Variants in CDKAL1 observed in about 807,000 individuals in gnomAD.
CDKAL1 encodes the protein CDKAL1 threonylcarbamoyladenosine tRNA methylthiotransferase, also known as threonylcarbamoyladenosine tRNA methylthiotransferase.
In CDKAL1, 32 loss-of-function variants were observed where a neutral mutation model predicts 68.2. The ratio of observed to expected loss-of-function variants is 0.47; its 90% CI spans 0.35 to 0.63. The LOEUF (loss-of-function observed/expected upper bound fraction) is 0.63. Ranked by LOEUF, CDKAL1 falls within the 30% of genes least tolerant of loss-of-function variation. The pLI, the probability that CDKAL1 is intolerant of heterozygous loss-of-function variation, is 0.00. For missense variants in CDKAL1, 606 were observed against 696.7 expected (o/e 0.87, Z 1.47); for synonymous variants, 234 against 244.3 (o/e 0.96, Z 0.39).
At chr6:20,576,087 AAC>A (rs1482441130) in intron 4 of CDKAL1, among the ~76,000 whole-genome samples, 4 of 152,190 alleles carry the variant, frequency 2.6e-5, no homozygotes, top group African/African-American at 9.7e-5. Context: ...TATTGTATTA[AAC>A]AGTGTTTTGA....
At chr6:21,212,099 G>C (rs1039038107) in intron 15 of CDKAL1, among the ~76,000 whole-genome samples, 1 of 152,114 alleles carries the variant, frequency 6.6e-6, no homozygotes, top group Non-Finnish European at 1.5e-5. Flanking sequence ...ATAGTATAGT[G>C]AAAGTTTCTA....
At chr6:20,867,527 T>C (rs1759973948) in intron 9 of CDKAL1, among the ~76,000 whole-genome samples, 1 of 152,186 alleles carries the variant, frequency 6.6e-6, no homozygotes, top group Admixed American at 6.5e-5. Flanking sequence ...AGCCCAGACA[T>C]CACTAATCTA....
chr6:21,021,748 CCTTT>C lies in CDKAL1; in HGVS notation c.1055+21381_1055+21384del, dbSNP rs1768678655. The stretch of plus-strand genomic sequence containing the variant: ...CAGAGTTTTCGTCACCATTTGTACA[CCTTT>C]CTTTATTTACCTCACCTAAGGTAGC... On this transcript the variant is annotated intron_variant, in intron 11 of 15. Coordinates refer to ENST00000274695, the MANE Select transcript of CDKAL1 (RefSeq NM_017774.3). Among the ~76,000 whole-genome samples, 14 of 152,246 alleles carry C rather than the reference CCTTT, an allele frequency of 9.2e-5. No individual in the cohort carries two copies. In the South Asian group the frequency reaches 2.9e-3, roughly 32 times the overall value.
At chr6:20,547,811 TTAA>T (rs1476235791) in intron 3 of CDKAL1, among the ~76,000 whole-genome samples, 21 of 152,326 alleles carry the variant, frequency 1.4e-4, no homozygotes, top group African/African-American at 4.3e-4. Flanking sequence ...TAGAGTGCTT[TTAA>T]TAATGCTTTA....
intron 9 of CDKAL1, among the ~76,000 whole-genome samples, chr6:20,935,721 T>A (rs1309006759): frequency 6.6e-6 from 1 of 152,208 alleles, no homozygotes; most frequent in Non-Finnish European, 1.5e-5. Flanking sequence ...TGAGCCACCA[T>A]GCCCGGCCAA....
In CDKAL1 at chr6:20,649,297, T is replaced by G. The variant is rs1225849680; in HGVS notation, c.291T>G (p.Asn97Lys). The G allele has an allele frequency of 1.9e-6, 3 of 1,604,490 alleles. No homozygotes were observed. Among genetic ancestry groups the G allele is most frequent in the Non-Finnish European group, 2.6e-6 (3 of 1,175,616 alleles). ...LAAYGYKITENASDADLWLLN... is the reference protein window; with the variant it reads ...LAAYGYKITEKASDADLWLLN... The stretch of plus-strand genomic sequence containing the variant: ...TTGTGTTCATTTTTTTAATAGAAAA[T>G]GCATCCGATGCAGATTTATGGCTCC... The change falls in exon 5 of 16, where the codon AAT becomes AAG. Residue 97 changes from asparagine (N) to lysine (K), a missense_variant. Transcript: ENST00000274695.
In CDKAL1 at chr6:20,963,982, A is replaced by G. The variant is rs116113735; in HGVS notation, c.909+8397A>G. On this transcript the variant is annotated intron_variant, in intron 10 of 15. Transcript: ENST00000274695. ...TTTACAAGAATAAAACAACCCCATT[A>G]AAAACTGGGCAAAAAACATGAACAG... Among the ~76,000 whole-genome samples the G allele has an allele frequency of 2.6e-3, 390 of 152,322 alleles. 3 individuals are homozygous for G. Among genetic ancestry groups the G allele is most frequent in the African/African-American group, 9.0e-3 (373 of 41,582 alleles).
chr6:20,886,733 G>T (rs1761085486), intron 9 of CDKAL1, among the ~76,000 whole-genome samples: 1 of 152,158 alleles, frequency 6.6e-6, no homozygotes. Flanking sequence ...CCAGGGAAAG[G>T]GTGAAGGGAG....
At chr6:21,205,174 G>A (rs1778854903) in intron 15 of CDKAL1, among the ~76,000 whole-genome samples, 1 of 152,190 alleles carries the variant, frequency 6.6e-6, no homozygotes, top group Non-Finnish European at 1.5e-5. Context: ...GGATGTGGAT[G>A]CCACATTTCA....
chr6:20,813,059 T>C (rs1261620522), intron 8 of CDKAL1, among the ~76,000 whole-genome samples: 1 of 152,176 alleles, frequency 6.6e-6, no homozygotes, highest in Non-Finnish European at 1.5e-5. Context: ...TTGGATTTCT[T>C]TAATGACTAA....
chr6:20,550,683 C>T (rs1227664412), intron 4 of CDKAL1, among the ~76,000 whole-genome samples: 2 of 152,020 alleles, frequency 1.3e-5, no homozygotes, highest in African/African-American at 4.8e-5. Flanking sequence ...GTAACCCACA[C>T]ATATGCACGC....
chr6:20,779,773 T>A (rs1314790794), intron 7 of CDKAL1, among the ~76,000 whole-genome samples: 3 of 152,106 alleles, frequency 2.0e-5, no homozygotes, highest in African/African-American at 7.2e-5. Flanking sequence ...TTAGTAGAGA[T>A]GAGGTTTCAC....
intron 13 of CDKAL1, among the ~76,000 whole-genome samples, chr6:21,191,217 AATG>A (rs1778224335): frequency 6.6e-6 from 1 of 152,228 alleles, no homozygotes; most frequent in African/African-American, 2.4e-5. Context: ...TTTCAGGGCA[AATG>A]ATGACTTAGA....
chr6:21,003,371 T>TATATATATATATATATATATATATACAC, intron 11 of CDKAL1, among the ~76,000 whole-genome samples: 11 of 49,284 alleles, frequency 2.2e-4, no homozygotes, highest in African/African-American at 3.3e-4. Flanking sequence ...TATATATATA[T>TATATATATATATATATATATATATACAC]ACACACACAC....
chr6:20,593,539 C>T (rs969553088), intron 4 of CDKAL1, among the ~76,000 whole-genome samples: 9 of 149,536 alleles, frequency 6.0e-5, no homozygotes, highest in South Asian at 2.1e-4. Context: ...TTTTTTATTG[C>T]GTCTATTCGA....
chr6:20,749,887 A>T (rs1450208020), intron 6 of CDKAL1, among the ~76,000 whole-genome samples: 1 of 151,402 alleles, frequency 6.6e-6, no homozygotes, highest in Non-Finnish European at 1.5e-5. Context: ...TTTTTTTTAA[A>T]TAAAGACGGG....
intron 12 of CDKAL1, among the ~76,000 whole-genome samples, chr6:21,080,800 G>A (rs1772354416): frequency 6.6e-6 from 1 of 152,126 alleles, no homozygotes; most frequent in East Asian, 1.9e-4. Context: ...ATGGAGCCGT[G>A]TTTTTGTGGG....
chr6:21,195,257 G>C (rs1778415583), intron 13 of CDKAL1, among the ~76,000 whole-genome samples: 2 of 151,938 alleles, frequency 1.3e-5, no homozygotes, highest in East Asian at 1.9e-4. Flanking sequence ...CTGCCTCCCA[G>C]GTTCAAGCAA....
At position 21,201,241 on chromosome 6, in the gene CDKAL1, G is replaced by A. The variant is rs148300738; in HGVS notation, c.1515G>A (p.Pro505=). 2.6e-4 allele frequency: 415 copies of A among 1,611,214 alleles called. 2 individuals carry two copies. Among genetic ancestry groups the A allele is most frequent in the South Asian group, 7.7e-4 (70 of 90,864 alleles). The change falls in exon 15 of 16, where the codon CCG becomes CCA. Residue 505 remains proline (P), a synonymous_variant. Transcript: ENST00000274695. ...TGTACACGCCCTCCATCAGCAAACC[G>A]CTAGCAAAGGGAGAAGTCTCGGGTT... The part of the protein sequence containing the change: ...AKVYTPSISK[P]LAKGEVSGLT...
Sources: allele counts gnomAD v4.1 joint callset (sites outside exome capture counted in the v4.1 genomes callset), GRCh38; gene constraint gnomAD v4.1.1; transcripts MANE v1.5; gene names NCBI Gene and HGNC (gene_info 2026-07-23, HGNC 2026-07-21).